KLHL10: variants seen among roughly 807,000 people sequenced by gnomAD.
KLHL10 encodes the protein kelch-like protein 10.
Under a neutral mutation model 46.6 loss-of-function variants are expected in KLHL10, and 11 were observed. That is an observed-to-expected ratio of 0.24 (90% CI 0.15 to 0.39). The LOEUF (loss-of-function observed/expected upper bound fraction) is 0.39. KLHL10 is among the 10% of genes least tolerant of loss of function. The pLI is 1.00. For synonymous variants in KLHL10, 254 were observed against 279.1 expected (o/e 0.91, Z 0.90); for missense variants, 475 against 789.8 (o/e 0.60, Z 4.78).
chr17:41,836,044 G>A, upstream of KLHL10: 1 of 1,431,338 alleles, frequency 7.0e-7, no homozygotes, highest in Non-Finnish European at 9.2e-7. Context: ...CGCGTGTGAG[G>A]CGGGGCCGGG....
At chr17:41,844,542 ATTT>A (rs369578859) in intron 2 of KLHL10, among the ~76,000 whole-genome samples, 1 of 115,348 alleles carries the variant, frequency 8.7e-6, no homozygotes, top group Non-Finnish European at 1.7e-5. Flanking sequence ...TGGTTTTTGT[ATTT>A]TTTTTTTTTT....
chr17:41,846,604 T>C (rs1427372485), intron 3 of KLHL10, among the ~76,000 whole-genome samples: 1 of 151,802 alleles, frequency 6.6e-6, no homozygotes, highest in South Asian at 2.1e-4. Context: ...CTCAGCACTT[T>C]GGGAGGCCAA....
chr17:41,838,873 G>A (rs1198945019), intron 1 of KLHL10, among the ~76,000 whole-genome samples: 1 of 151,874 alleles, frequency 6.6e-6, no homozygotes, highest in Admixed American at 6.6e-5. Context: ...ATTTTTAGTA[G>A]AGACAGGGTT....
chr17:41,841,808 C>CT lies in KLHL10; in HGVS notation c.195-12dup, dbSNP rs782065666. 9.3e-5 allele frequency: 150 copies of CT among 1,614,134 alleles called. 5 individuals are homozygous for CT. The South Asian group carries it at 1.5e-3, about 16-fold the overall frequency. The stretch of plus-strand genomic sequence containing the variant: ...GAAATGTTTCCGTGGCTGCTAGTTT[C>CT]TTTCTTTTTTCCAGAGCTTTGTTTA... On this transcript the variant is annotated splice_polypyrimidine_tract_variant and intron_variant, in intron 1 of 4. Transcript: ENST00000293303.
chr17:41,847,065 G>A (rs1404387836), intron 3 of KLHL10, among the ~76,000 whole-genome samples, 196 bp from the exon 4 acceptor site: 2 of 152,128 alleles, frequency 1.3e-5, no homozygotes, highest in East Asian at 1.9e-4. Context: ...CAGAGATGGT[G>A]CAAATGGACT....
At chr17:41,844,468 G>A (rs12953292) in intron 2 of KLHL10, among the ~76,000 whole-genome samples, 1 of 151,612 alleles carries the variant, frequency 6.6e-6, no homozygotes, top group South Asian at 2.1e-4. Context: ...CTGACCTCAA[G>A]TGATCTGCCC....
Position 41,845,646 on chromosome 17 carries a change from C to T in KLHL10, c.1205C>T (p.Thr402Ile). The T allele has an allele frequency of 6.2e-7, 1 of 1,612,692 alleles. No individual in the cohort carries two copies. The highest frequency in any genetic ancestry group is 8.5e-7 in the Non-Finnish European group (1 of 1,178,952). The change falls in exon 3 of 5, where the codon ACT becomes ATT. Residue 402 changes from threonine to isoleucine, a missense_variant. By Grantham distance (89) the Thr-to-Ile change is moderately conservative. Transcript: ENST00000293303. Reference protein sequence around the residue: ...GGFDGYVRLNTAERYEPETNQ... With the variant: ...GGFDGYVRLNIAERYEPETNQ... ...TTTGATGGCTACGTGCGTCTAAACA[C>T]TGCTGAACGTTATGAGCCAGAGACC...
intron 1 of KLHL10, among the ~76,000 whole-genome samples, chr17:41,839,394 C>T (rs1289381435): frequency 1.3e-5 from 2 of 152,166 alleles, no homozygotes; most frequent in Non-Finnish European, 2.9e-5. Flanking sequence ...TTGGACATCC[C>T]TACTGGATTT....
At chr17:41,839,663 G>C (rs1555620518) in intron 1 of KLHL10, among the ~76,000 whole-genome samples, 1 of 152,190 alleles carries the variant, frequency 6.6e-6, no homozygotes. Context: ...CCTACCTGTT[G>C]CTAAAACTTC....
Position 41,837,853 on chromosome 17 carries a change from C to A in KLHL10, c.-80C>A. 2 of 1,600,658 alleles carry A rather than the reference C, an allele frequency of 1.2e-6. No individual in the cohort carries two copies. Among genetic ancestry groups the A allele is most frequent in the South Asian group, 1.1e-5 (1 of 90,114 alleles). Reference sequence around the variant, plus strand: ...CAAAAGATGTAGTAGGGAAAAGGAGCGACAGCTGGCTAAAGGGGCCCCCCA... The same window carrying A: ...CAAAAGATGTAGTAGGGAAAAGGAGAGACAGCTGGCTAAAGGGGCCCCCCA... On this transcript the variant is annotated 5_prime_UTR_variant, in exon 1 of 5. Coordinates refer to ENST00000293303, the MANE Select transcript of KLHL10 (RefSeq NM_152467.5).
In KLHL10 at chr17:41,837,964, G is replaced by A. The variant is rs528144888; in HGVS notation, c.32G>A (p.Arg11His). 55 of 1,614,122 alleles carry A rather than the reference G, an allele frequency of 3.4e-5. No individual in the cohort carries two copies. Among genetic ancestry groups the A allele is most frequent in the South Asian group, 9.9e-5 (9 of 91,080 alleles). MEMESAAAST[R>H]FHQPHMERKM... The stretch of plus-strand genomic sequence containing the variant: ...ATGGAGAGCGCGGCGGCCTCCACAC[G>A]TTTCCACCAGCCTCACATGGAGAGG... Residue 11 changes from arginine (R) to histidine (H), a missense_variant, in exon 1 of 5, where the codon CGT becomes CAT. By Grantham distance (29) the Arg-to-His change is conservative. Coordinates refer to ENST00000293303, the MANE Select transcript of KLHL10 (RefSeq NM_152467.5).
chr17:41,836,865 G>A (rs2048167515), upstream of KLHL10, among the ~76,000 whole-genome samples: 1 of 152,064 alleles, frequency 6.6e-6, no homozygotes, highest in Non-Finnish European at 1.5e-5. Context: ...GATGGGAGGA[G>A]AGATGAAGGA....
chr17:41,847,903 A>C, intron 4 of KLHL10, 30 bp from the exon 5 acceptor site: 1 of 1,613,186 alleles, frequency 6.2e-7, no homozygotes, highest in Non-Finnish European at 8.5e-7. Flanking sequence ...AATGGTTAGC[A>C]GTCAACCGTG....
rs781971983 is a variant in KLHL10 at position 41,848,316 on chromosome 17, A to G, written c.*9A>G. On this transcript the variant is annotated 3_prime_UTR_variant, in exon 5 of 5. Transcript: ENST00000293303. ...GTACCCTACCTGTATGAGCCTCTTC[A>G]TTTAGCTAATAAAAAGTCTAAGCAA... 8 of 1,605,456 alleles carry G rather than the reference A, an allele frequency of 5.0e-6. No individual in the cohort carries two copies. The South Asian group carries it at 8.8e-5, about 18-fold the overall frequency.
intron 2 of KLHL10, among the ~76,000 whole-genome samples, chr17:41,842,706 G>A (rs1555620877): frequency 6.6e-6 from 1 of 152,108 alleles, no homozygotes. Flanking sequence ...CTTTGGCCAA[G>A]ATGGGCGGAT....
intron 1 of KLHL10, among the ~76,000 whole-genome samples, chr17:41,841,559 C>G (rs980593125): frequency 6.6e-6 from 1 of 152,162 alleles, no homozygotes. Context: ...ATGATCCACC[C>G]GCTTCGGCCT....
At chr17:41,846,005 T>C (rs2048280811) in intron 3 of KLHL10, among the ~76,000 whole-genome samples, 1 of 145,166 alleles carries the variant, frequency 6.9e-6, no homozygotes. Flanking sequence ...AGGTCAGGAG[T>C]TCAAGACCAG....
At chr17:41,839,891 T>C (rs2048209246) in intron 1 of KLHL10, among the ~76,000 whole-genome samples, 1 of 151,314 alleles carries the variant, frequency 6.6e-6, no homozygotes, top group African/African-American at 2.4e-5. Context: ...TTTTCTTTTT[T>C]TTTTTGAAAT....
At chr17:41,844,969 C>G (rs2048269135) in intron 2 of KLHL10, among the ~76,000 whole-genome samples, 157 bp from the exon 3 acceptor site, 1 of 152,118 alleles carries the variant, frequency 6.6e-6, no homozygotes, top group African/African-American at 2.4e-5. Context: ...ATGGTGTGAG[C>G]CTCAAAATCG....
Sources: allele counts gnomAD v4.1 joint callset (sites outside exome capture counted in the v4.1 genomes callset), GRCh38; gene constraint gnomAD v4.1.1; transcripts MANE v1.5; gene names NCBI Gene and HGNC (gene_info 2026-07-23, HGNC 2026-07-21).